DBT: variants seen among roughly 807,000 people sequenced by gnomAD.
DBT encodes the protein lipoamide acyltransferase component of branched-chain alpha-keto acid dehydrogenase complex, mitochondrial.
Under a neutral mutation model 51.3 loss-of-function variants are expected in DBT, and 40 were observed. The observed-to-expected ratio is 0.78, with a 90% CI of 0.61 to 1.02. DBT has a LOEUF of 1.02. Among genes scored for constraint, DBT ranks in the 50% least tolerant of loss-of-function variants. DBT has a pLI of 0.00. For synonymous variants in DBT, 181 were observed against 190.4 expected, an observed-to-expected ratio of 0.95 and a Z score of 0.41; for missense variants, 510 against 580.2, an observed-to-expected ratio of 0.88 and a Z score of 1.24.
chr1:100,233,753 G>A (rs1663692374), intron 3 of DBT, among the ~76,000 whole-genome samples: 1 of 152,220 alleles, frequency 6.6e-6, no homozygotes, highest in South Asian at 2.1e-4. Flanking sequence ...GCTGGAATGG[G>A]AACTCACATT....
intron 7 of DBT, among the ~76,000 whole-genome samples, chr1:100,211,643 AG>A (rs1445553978): frequency 6.6e-6 from 1 of 152,354 alleles, no homozygotes; most frequent in East Asian, 1.9e-4. Context: ...TAGAGAGTTA[AG>A]AAAAAAGTTT....
At chr1:100,236,040 G>A (rs762335362) in intron 2 of DBT, among the ~76,000 whole-genome samples, 7 of 151,468 alleles carry the variant, frequency 4.6e-5, no homozygotes, top group Non-Finnish European at 8.8e-5. Flanking sequence ...TCCCTAAGTC[G>A]TCTCTTTCCT....
chr1:100,206,324 G>A (rs746256129), intron 9 of DBT, 23 bp from the exon 10 acceptor site: 2 of 1,463,698 alleles, frequency 1.4e-6, no homozygotes, highest in Non-Finnish European at 1.9e-6. Context: ...AAAAAAAAAA[G>A]GAGAGTATTA....
intron 2 of DBT, among the ~76,000 whole-genome samples, chr1:100,238,415 CTTCT>C (rs147292187): frequency 0.79 from 113,603 of 143,836 alleles, 46,040 homozygotes; most frequent in East Asian, 0.95. Flanking sequence ...TCCTCCTTCT[CTTCT>C]TCTTTCTTTT....
At chr1:100,235,560 T>G (rs1663817275) in intron 2 of DBT, 49 bp from the exon 3 acceptor site, 1 of 952,472 alleles carries the variant, frequency 1.0e-6, no homozygotes, top group Non-Finnish European at 1.7e-6. Flanking sequence ...AACATATTAC[T>G]AATATATACT....
Position 100,238,775 on chromosome 1 carries a change from A to C in DBT, c.175+1986T>G, listed in dbSNP as rs556884978. On this transcript the variant is annotated intron_variant, in intron 2 of 10. Coordinates refer to ENST00000370132, the MANE Select transcript of DBT (RefSeq NM_001918.5). ...ATCAGAAGGAAAAGAGATTTGTAGAAGACTGAGTTTTGGGGACATTGGAAT... is the reference window on the plus strand; with the variant it reads ...ATCAGAAGGAAAAGAGATTTGTAGACGACTGAGTTTTGGGGACATTGGAAT... Among the ~76,000 whole-genome samples, 93 of 152,310 alleles carry C rather than the reference A, an allele frequency of 6.1e-4. 1 individual carries two copies. Among genetic ancestry groups the C allele is most frequent in the East Asian group, 2.3e-3 (12 of 5,174 alleles).
At position 100,196,003 on chromosome 1, in the gene DBT, A is replaced by G. The variant is rs989090186; in HGVS notation, c.*252T>C. 2.3e-5 allele frequency: 12 copies of G among 511,472 alleles called. No homozygotes were observed. The highest frequency in any genetic ancestry group is 2.3e-4 in the African/African-American group (12 of 51,942). 31.7% of individuals were successfully genotyped at this position (511,472 alleles called of 1,614,324 possible). A position where few individuals can be genotyped will look rare whatever the true frequency, so the allele number is the denominator to read the frequency against. ...CTTGCCAGTTTCAAGCCATTGACAC[A>G]AAAACATCAGCACCATATTAAGAAG... On this transcript the variant is annotated 3_prime_UTR_variant, in exon 11 of 11. Coordinates refer to ENST00000370132, the MANE Select transcript of DBT (RefSeq NM_001918.5).
chr1:100,240,944 A>G, intron 1 of DBT, 60 bp from the exon 2 acceptor site: 1 of 1,501,596 alleles, frequency 6.7e-7, no homozygotes, highest in East Asian at 2.3e-5. Context: ...GCTTATCTCT[A>G]AGTATAAATT....
chr1:100,247,697 C>CCA (rs750713282), intron 1 of DBT, among the ~76,000 whole-genome samples: 2 of 107,882 alleles, frequency 1.9e-5, no homozygotes, highest in Non-Finnish European at 3.6e-5. Context: ...AGACTCTTCT[C>CCA]AAAAAAAAAA....
chr1:100,244,711 A>T (rs1419959470), intron 1 of DBT, among the ~76,000 whole-genome samples: 1 of 152,138 alleles, frequency 6.6e-6, no homozygotes, highest in Non-Finnish European at 1.5e-5. Context: ...ACAGTAAGAC[A>T]GTAATAATAA....
rs190725895 is a variant in DBT, at chr1:100,229,041, C to A, written c.433+1692G>T. On this transcript the variant is annotated intron_variant, in intron 4 of 10. Coordinates refer to ENST00000370132, the MANE Select transcript of DBT (RefSeq NM_001918.5). ...ATAATAAAAAGTAGTAGGAAGCCTT[C>A]AATAAATCACCTTCTAGCTTTTAGA... Among the ~76,000 whole-genome samples, 4 of 152,250 alleles carry A rather than the reference C, an allele frequency of 2.6e-5. No homozygotes were observed. The East Asian group carries it at 7.7e-4, about 29-fold the overall frequency.
intron 7 of DBT, among the ~76,000 whole-genome samples, chr1:100,213,878 T>A (rs868217917): frequency 9.2e-5 from 14 of 151,696 alleles, no homozygotes; most frequent in Non-Finnish European, 4.4e-5. Flanking sequence ...AATGAAGCAC[T>A]GCTTTTATTT....
intron 1 of DBT, among the ~76,000 whole-genome samples, chr1:100,248,351 A>G (rs1435567309): frequency 6.6e-6 from 1 of 152,218 alleles, no homozygotes; most frequent in Non-Finnish European, 1.5e-5. Flanking sequence ...GATGCTCTGT[A>G]TGCATGGATA....
chr1:100,225,983 G>C (rs1422879981), intron 4 of DBT, among the ~76,000 whole-genome samples: 1 of 152,084 alleles, frequency 6.6e-6, no homozygotes, highest in Non-Finnish European at 1.5e-5. Flanking sequence ...AACAGAGCAA[G>C]ACCCCATGTC....
At position 100,245,695 on chromosome 1, in the gene DBT, G is replaced by A. The variant is rs1664491908; in HGVS notation, c.51+4075C>T. Among the ~76,000 whole-genome samples, 3 of 152,208 alleles carry A rather than the reference G, an allele frequency of 2.0e-5. No homozygotes were observed. In the South Asian group the frequency reaches 6.2e-4, roughly 31 times the overall value. On this transcript the variant is annotated intron_variant, in intron 1 of 10. Transcript: ENST00000370132. ...CAGCCAGGTGCAGTGACTCATGCCT[G>A]TAATCCCAACATTTTGGGAGTCCAA...
In DBT at chr1:100,187,982, G is replaced by A. The variant is rs963282253; in HGVS notation, c.*8273C>T. On this transcript the variant is annotated 3_prime_UTR_variant, in exon 11 of 11. Coordinates refer to ENST00000370132, the MANE Select transcript of DBT (RefSeq NM_001918.5). ...ATTTCTAATATACACCTAGTTATTA[G>A]AGAAATTAGTGCACTAAAGGACAGT... 2.0e-5 allele frequency: 3 copies of A among 152,130 alleles called. No individual in the cohort carries two copies. The highest frequency in any genetic ancestry group is 7.2e-5 in the African/African-American group (3 of 41,424). 9.4% of individuals were successfully genotyped at this position (152,130 alleles called of 1,614,324 possible). A position where few individuals can be genotyped will look rare whatever the true frequency, so the allele number is the denominator to read the frequency against.
At chr1:100,226,983 AC>A (rs1303156560) in intron 4 of DBT, among the ~76,000 whole-genome samples, 1 of 152,154 alleles carries the variant, frequency 6.6e-6, no homozygotes, top group African/African-American at 2.4e-5. Flanking sequence ...AATTATCCAA[AC>A]TTGAGTGTGC....
intron 4 of DBT, among the ~76,000 whole-genome samples, chr1:100,223,414 T>C (rs948832691): frequency 1.3e-5 from 2 of 152,178 alleles, no homozygotes; most frequent in Non-Finnish European, 1.5e-5. Context: ...TCTGTCTGAG[T>C]AGCCAGGACT....
chr1:100,249,733 CTCCT>C, intron 1 of DBT, 33 bp downstream of exon 1: 1 of 1,607,550 alleles, frequency 6.2e-7, no homozygotes, highest in Non-Finnish European at 8.5e-7. Flanking sequence ...GGACAAATCA[CTCCT>C]TCCCGGCCTC....
Sources: gnomAD v4.1 joint callset for allele counts (sites outside exome capture counted in the v4.1 genomes callset) on GRCh38, gnomAD v4.1.1 for gene constraint, MANE v1.5 for transcripts, NCBI Gene and HGNC (gene_info 2026-07-23, HGNC 2026-07-21) for gene names.